The following CDH6 variants were observed in gnomAD, a reference collection of about 807,000 sequenced individuals.
CDH6 encodes cadherin-6.
CDH6 carries 31 observed loss-of-function variants against 78.0 expected under a neutral mutation model. The ratio of observed to expected loss-of-function variants is 0.40; its 90% CI spans 0.30 to 0.54. CDH6 has a LOEUF of 0.54. Among genes scored for constraint, CDH6 ranks in the 20% least tolerant of loss-of-function variants. The pLI, the probability that CDH6 is intolerant of heterozygous loss-of-function variation, is 0.56. For missense variants in CDH6, 724 were observed against 975.9 expected (o/e 0.74, Z 3.44); for synonymous variants, 376 against 368.8 (o/e 1.02, Z -0.23).
chr5:31,199,542 A>G lies in CDH6; in HGVS notation c.-129+5656A>G, dbSNP rs541855065. Among the ~76,000 whole-genome samples, 13 of 144,724 alleles carry G rather than the reference A, an allele frequency of 9.0e-5. 1 individual carries two copies. Among genetic ancestry groups the G allele is most frequent in the African/African-American group, 3.1e-4 (12 of 38,274 alleles). The allele number at this position is 144,724 out of a possible 152,430, so 94.9% of individuals were successfully genotyped here. ...CACACACATATGTGTATATATATGT[A>G]TACACACATATGTGTATATATATGC... is the stretch of plus-strand genomic sequence containing the variant. On this transcript the variant is annotated intron_variant, in intron 1 of 11. Transcript: ENST00000265071.
At chr5:31,242,538 G>A (rs967316036) in intron 1 of CDH6, among the ~76,000 whole-genome samples, 2 of 152,188 alleles carry the variant, frequency 1.3e-5, no homozygotes, top group African/African-American at 4.8e-5. Context: ...CACCATAACA[G>A]TGAATGTTGC....
intron 1 of CDH6, among the ~76,000 whole-genome samples, chr5:31,245,119 C>A (rs2149921332): frequency 6.6e-6 from 1 of 152,276 alleles, no homozygotes; most frequent in South Asian, 2.1e-4. Context: ...GGAAGCAAGT[C>A]CCAGTGGAGG....
chr5:31,300,805 A>T (rs1161922639), intron 5 of CDH6, among the ~76,000 whole-genome samples: 1 of 152,188 alleles, frequency 6.6e-6, no homozygotes, highest in Admixed American at 6.5e-5. Context: ...GGAGGCCCTA[A>T]AAATGGAAGT....
chr5:31,288,146 G>A (rs1347170319), intron 2 of CDH6, among the ~76,000 whole-genome samples: 2 of 152,168 alleles, frequency 1.3e-5, no homozygotes, highest in Non-Finnish European at 2.9e-5. Context: ...GGACACTGAA[G>A]TTGCACCCTT....
chr5:31,210,331 C>T (rs575594817), intron 1 of CDH6, among the ~76,000 whole-genome samples: 171 of 152,026 alleles, frequency 1.1e-3, no homozygotes, highest in Non-Finnish European at 1.8e-3. Context: ...ATGGTGAAAC[C>T]CATCTCTACT....
chr5:31,227,864 A>AC (rs1741202822), intron 1 of CDH6, among the ~76,000 whole-genome samples: 1 of 152,184 alleles, frequency 6.6e-6, no homozygotes, highest in Admixed American at 6.5e-5. Flanking sequence ...AAGACAAGGA[A>AC]CCAGTATTAG....
At chr5:31,238,869 G>T (rs12658612) in intron 1 of CDH6, among the ~76,000 whole-genome samples, 9,832 of 152,284 alleles carry the variant, frequency 0.065, 637 homozygotes, top group East Asian at 0.36. Flanking sequence ...TACTGGCAAT[G>T]TAGGATATTC....
intron 2 of CDH6, among the ~76,000 whole-genome samples, chr5:31,288,449 CAATTTCTTCCTGATAT>C (rs1291054933): frequency 6.6e-6 from 1 of 151,574 alleles, no homozygotes; most frequent in Non-Finnish European, 1.5e-5. Flanking sequence ...CAAGCAAGTT[CAATTTCTTCCTGATAT>C]AAACTCTACC....
rs565030016 is a variant in CDH6 at position 31,319,831 on chromosome 5, G to A, written c.1882+1907G>A. Among the ~76,000 whole-genome samples, 23 of 152,314 alleles carry A rather than the reference G, an allele frequency of 1.5e-4. No individual in the cohort carries two copies. In the South Asian group the frequency reaches 4.1e-3, roughly 27 times the overall value. ...CAACTAGACAACTACTACATCTCAT[G>A]TCTTATGGTGCCTTAGAACTTGCAA... On this transcript the variant is annotated intron_variant, in intron 11 of 11. Coordinates refer to ENST00000265071, the MANE Select transcript of CDH6 (RefSeq NM_004932.4).
chr5:31,257,961 T>C (rs1427323423), intron 1 of CDH6, among the ~76,000 whole-genome samples: 2 of 152,334 alleles, frequency 1.3e-5, no homozygotes, highest in East Asian at 1.9e-4. Flanking sequence ...CTATGTACTC[T>C]GGGCAAAGTA....
At chr5:31,288,914 A>G (rs1290459785) in intron 2 of CDH6, among the ~76,000 whole-genome samples, 1 of 152,030 alleles carries the variant, frequency 6.6e-6, no homozygotes, top group East Asian at 1.9e-4. Flanking sequence ...GTACTTTTCT[A>G]TGTGTGTCAT....
intron 1 of CDH6, among the ~76,000 whole-genome samples, chr5:31,240,323 A>T (rs1741564268): frequency 6.6e-6 from 1 of 152,340 alleles, no homozygotes; most frequent in Non-Finnish European, 1.5e-5. Context: ...ACTTTGGGAA[A>T]TGCTAACTTT....
At chr5:31,321,849 G>A (rs1433592927) in intron 11 of CDH6, among the ~76,000 whole-genome samples, 5 of 151,976 alleles carry the variant, frequency 3.3e-5, no homozygotes, top group Non-Finnish European at 7.4e-5. Flanking sequence ...TCACTTTTTG[G>A]CCTAGATGGC....
At position 31,327,191 on chromosome 5, in the gene CDH6, TTC is replaced by T; in HGVS notation, c.*3885_*3886del. On this transcript the variant is annotated 3_prime_UTR_variant, in exon 12 of 12. Coordinates refer to ENST00000265071, the MANE Select transcript of CDH6 (RefSeq NM_004932.4). ...GGTGTGTAAACTATGACTTGGACAA[TTC>T]TATATACTCAAGCACCATAAAAAGT... 1 of 185,760 alleles carries T rather than the reference TTC, an allele frequency of 5.4e-6. No individual in the cohort carries two copies. The highest frequency in any genetic ancestry group is 8.7e-5 in the East Asian group (1 of 11,500). 11.5% of individuals were successfully genotyped at this position (185,760 alleles called of 1,614,324 possible). A position where few individuals can be genotyped will look rare whatever the true frequency, so the allele number is the denominator to read the frequency against.
At position 31,327,239 on chromosome 5, in the gene CDH6, A is replaced by G. The variant is rs1316293746; in HGVS notation, c.*3931A>G. The G allele has an allele frequency of 5.3e-6, 1 of 187,954 alleles. No individual in the cohort carries two copies. The highest frequency in any genetic ancestry group is 8.5e-5 in the East Asian group (1 of 11,716). The allele number at this position is 187,954 out of a possible 1,614,324, so 11.6% of individuals were successfully genotyped here. A position where few individuals can be genotyped will look rare whatever the true frequency, so the allele number is the denominator to read the frequency against. ...AAAGTATGCAGTTGAAAAGAAAATCAAAGTTGATTCCTGGGTGCCAACTAA... is the reference window on the plus strand; with the variant it reads ...AAAGTATGCAGTTGAAAAGAAAATCGAAGTTGATTCCTGGGTGCCAACTAA... On this transcript the variant is annotated 3_prime_UTR_variant, in exon 12 of 12. Coordinates refer to ENST00000265071, the MANE Select transcript of CDH6 (RefSeq NM_004932.4).
chr5:31,290,481 T>C (rs1743126124), intron 2 of CDH6, among the ~76,000 whole-genome samples: 2 of 152,206 alleles, frequency 1.3e-5, no homozygotes, highest in Admixed American at 6.5e-5. Context: ...CTGAAATTAG[T>C]AAAAACATGC....
intron 1 of CDH6, chr5:31,251,553 G>C (rs2149924882): frequency 6.6e-6 from 1 of 152,334 alleles, no homozygotes; most frequent in Admixed American, 6.5e-5. Flanking sequence ...TTGATAACAA[G>C]GAGTTTTTAA....
At position 31,322,957 on chromosome 5, in the gene CDH6, C is replaced by G. The variant is rs763884564; in HGVS notation, c.2022C>G (p.Ile674Met). 1.2e-6 allele frequency: 2 copies of G among 1,614,062 alleles called. No individual in the cohort carries two copies. The highest frequency in any genetic ancestry group is 1.7e-5 in the Admixed American group (1 of 60,008). Residue 674 changes from isoleucine to methionine, a missense_variant, in exon 12 of 12, where the codon ATC (isoleucine) becomes ATG (methionine). Coordinates refer to ENST00000265071, the MANE Select transcript of CDH6 (RefSeq NM_004932.4). ...GGEEDTQAFD[I>M]GTLRNPEAIE... ...AGGAGGACACCCAGGCTTTTGATAT[C>G]GGCACCCTGAGGAATCCTGAAGCCA... is the stretch of plus-strand genomic sequence containing the variant.
At chr5:31,318,976 A>G (rs762112356) in intron 11 of CDH6, 4 of 215,926 alleles carry the variant, frequency 1.9e-5, no homozygotes, top group Non-Finnish European at 3.7e-5. Context: ...CTCTTTGTCA[A>G]CTAAGACTTG....
Sources: allele counts gnomAD v4.1 joint callset (sites outside exome capture counted in the v4.1 genomes callset), GRCh38; gene constraint gnomAD v4.1.1; transcripts MANE v1.5; gene names NCBI Gene and HGNC (gene_info 2026-07-23, HGNC 2026-07-21).